Variants in SIRT5 observed in about 807,000 individuals in gnomAD.
SIRT5 encodes sirtuin 5.
A neutral mutation model predicts 40.0 loss-of-function variants in SIRT5; 26 were observed. That is an observed-to-expected ratio of 0.65 (90% CI 0.48 to 0.90). The LOEUF is 0.90. SIRT5 is among the 40% of genes least tolerant of loss of function. The pLI is 0.00. For synonymous variants in SIRT5, 146 were observed against 149.1 expected (o/e 0.98, Z 0.15); for missense variants, 401 against 402.4 (o/e 1.00, Z 0.03).
chr6:13,583,839 G>GGCACCTCT (rs111274992), intron 2 of SIRT5, among the ~76,000 whole-genome samples: 2,861 of 152,206 alleles, frequency 0.019, 102 homozygotes, highest in African/African-American at 0.065. Flanking sequence ...ACTGCTCCAA[G>GGCACCTCT]GCACCTCTGC....
intron 2 of SIRT5, among the ~76,000 whole-genome samples, chr6:13,580,092 G>A (rs1418690678): frequency 6.6e-6 from 1 of 152,198 alleles, no homozygotes; most frequent in South Asian, 2.1e-4. Context: ...GGGCCCATGA[G>A]TCTGTTCACT....
Position 13,595,458 on chromosome 6 carries a change from C to T in SIRT5, c.476-19C>T, listed in dbSNP as rs201858712. The T allele has an allele frequency of 1.9e-6, 3 of 1,591,172 alleles. No homozygotes were observed. Among genetic ancestry groups the T allele is most frequent in the African/African-American group, 2.7e-5 (2 of 74,404 alleles). On this transcript the variant is annotated intron_variant, in intron 5 of 9. Transcript: ENST00000606117. Reference sequence around the variant, plus strand: ...TTGATTATACTAAATTCTGGATTTGCTTCATATGTATTTTTCAGGTAGCTT... The same window carrying T: ...TTGATTATACTAAATTCTGGATTTGTTTCATATGTATTTTTCAGGTAGCTT...
chr6:13,581,446 A>T (rs1048830388), intron 2 of SIRT5, among the ~76,000 whole-genome samples: 1 of 152,162 alleles, frequency 6.6e-6, no homozygotes, highest in Admixed American at 6.5e-5. Context: ...TTCTCATTGC[A>T]TCATATGAGG....
chr6:13,595,588 A>G, intron 6 of SIRT5, 24 bp downstream of exon 6: 1 of 1,534,014 alleles, frequency 6.5e-7, no homozygotes, highest in Non-Finnish European at 9.0e-7. Context: ...ACTACAGAAT[A>G]AGTATAGGTT....
chr6:13,576,240 A>C (rs1024386051), intron 1 of SIRT5, among the ~76,000 whole-genome samples: 2 of 152,228 alleles, frequency 1.3e-5, no homozygotes, highest in African/African-American at 4.8e-5. Context: ...ACTGTTTTCC[A>C]AAATGGCTGT....
intron 4 of SIRT5, among the ~76,000 whole-genome samples, chr6:13,591,114 GTGTA>G (rs1760846393): frequency 6.6e-6 from 1 of 151,508 alleles, no homozygotes; most frequent in Non-Finnish European, 1.5e-5. Context: ...TATGTGTAGT[GTGTA>G]TGTATATTGA....
At chr6:13,611,205 G>GTATATATATATATA (rs1307103122) in intron 9 of SIRT5, among the ~76,000 whole-genome samples, 3 of 107,066 alleles carry the variant, frequency 2.8e-5, no homozygotes, top group South Asian at 2.9e-4. Flanking sequence ...ATGTGTGTGT[G>GTATATATATATATA]TGTATATATA....
At chr6:13,604,788 T>G (rs1202222983) in intron 9 of SIRT5, 1 of 1,139,326 alleles carries the variant, frequency 8.8e-7, no homozygotes, top group Non-Finnish European at 1.1e-6. Context: ...ACCACAGACC[T>G]GTTTCAGCTG....
At chr6:13,595,672 G>T in intron 6 of SIRT5, 108 bp downstream of exon 6, 1 of 913,828 alleles carries the variant, frequency 1.1e-6, no homozygotes, top group South Asian at 1.4e-5. Context: ...ATATTTATGA[G>T]AAATAAGACT....
intron 9 of SIRT5, chr6:13,604,734 C>T: frequency 7.5e-7 from 1 of 1,334,440 alleles, no homozygotes. Flanking sequence ...AGGAGAGATT[C>T]TTGGCATGTA....
intron 4 of SIRT5, 98 bp downstream of exon 4, chr6:13,588,562 T>G: frequency 7.1e-7 from 1 of 1,408,986 alleles, no homozygotes; most frequent in Non-Finnish European, 9.5e-7. Flanking sequence ...CCCAGGGAAA[T>G]GGTTTTTAAG....
rs568883517 is a variant in SIRT5, at chr6:13,607,562, G to A, written c.858-4228G>A. The stretch of plus-strand genomic sequence containing the variant: ...ACCAATGCAAGTGGCGTGAGCAGAT[G>A]TGCAGCTAACACTGTAGTCGTGGTT... On this transcript the variant is annotated intron_variant, in intron 9 of 9. Coordinates refer to ENST00000606117, the MANE Select transcript of SIRT5 (RefSeq NM_012241.5). This position sits in a 1 kb window ranked among gnomAD's most constrained non-coding sequence, Gnocchi z 4.0. Among the ~76,000 whole-genome samples, 1 of 152,336 alleles carries A rather than the reference G, an allele frequency of 6.6e-6. No homozygotes were observed. The highest frequency in any genetic ancestry group is 2.1e-4 in the South Asian group (1 of 4,822).
chr6:13,611,057 C>T (rs529692279), intron 9 of SIRT5, among the ~76,000 whole-genome samples: 1 of 151,578 alleles, frequency 6.6e-6, no homozygotes, highest in South Asian at 2.1e-4. Context: ...TCTAACTACA[C>T]CTCAGAAGCT....
At position 13,588,442 on chromosome 6, in the gene SIRT5, A is replaced by G. The variant is rs199972179; in HGVS notation, c.227A>G (p.Tyr76Cys). Residue 76 changes from tyrosine to cysteine, a missense_variant, in exon 4 of 10, where the codon TAT (tyrosine) becomes TGT (cysteine). Coordinates refer to ENST00000606117, the MANE Select transcript of SIRT5 (RefSeq NM_012241.5). Reference sequence around the variant, plus strand: ...CCGACCTTCAGAGGAGCTGGAGGTTATTGGAGAAAATGGCAAGCCCAGGTT... The same window carrying G: ...CCGACCTTCAGAGGAGCTGGAGGTTGTTGGAGAAAATGGCAAGCCCAGGTT... ...GVPTFRGAGGYWRKWQAQDLA... is the reference protein window; with the variant it reads ...GVPTFRGAGGCWRKWQAQDLA... 10 of 1,614,164 alleles carry G rather than the reference A, an allele frequency of 6.2e-6. No homozygotes were observed. The African/African-American group carries it at 1.3e-4, about 22-fold the overall frequency.
chr6:13,604,482 G>C (rs199651501), intron 9 of SIRT5: 208 of 1,558,042 alleles, frequency 1.3e-4, no homozygotes, highest in Admixed American at 3.6e-4. Flanking sequence ...TCAGTCATTT[G>C]ATCTCCATCT....
Position 13,588,350 on chromosome 6 carries a change from GT to G in SIRT5, c.141del (p.Phe47LeufsTer7). Reference sequence around the variant, plus strand: ...GTTTAGGTATGGCAGATTTTCGAAAGTTTTTTGCAAAAGCAAAGCACATAGT... The same window carrying G: ...GTTTAGGTATGGCAGATTTTCGAAAGTTTTTGCAAAAGCAAAGCACATAGT... ...PSSSMADFRK[F>X]FAKAKHIVII... On this transcript the variant is annotated frameshift_variant, in exon 4 of 10. Transcript: ENST00000606117. LOFTEE classifies it high-confidence loss of function. The G allele has an allele frequency of 6.2e-7, 1 of 1,613,978 alleles. No individual in the cohort carries two copies.
At chr6:13,580,152 C>T (rs533719485) in intron 2 of SIRT5, among the ~76,000 whole-genome samples, 9 of 152,320 alleles carry the variant, frequency 5.9e-5, no homozygotes, top group African/African-American at 2.2e-4. Context: ...TAACTTTAGG[C>T]AGCCAGACAG....
chr6:13,611,700 A>G (rs1354036137), intron 9 of SIRT5, 90 bp from the exon 10 acceptor site: 18 of 941,570 alleles, frequency 1.9e-5, no homozygotes, highest in African/African-American at 6.5e-5. Context: ...TACTTCGGCT[A>G]TTACTTCAGA....
At chr6:13,583,294 T>A (rs1371786761) in intron 2 of SIRT5, among the ~76,000 whole-genome samples, 1 of 145,306 alleles carries the variant, frequency 6.9e-6, no homozygotes, top group African/African-American at 2.5e-5. Flanking sequence ...TTGTTCTTTT[T>A]TTTTTTTTTT....
Sources: gnomAD v4.1 joint callset for allele counts (sites outside exome capture counted in the v4.1 genomes callset) on GRCh38, gnomAD v4.1.1 for gene constraint, Gnocchi (gnomAD v3.1) non-coding constraint, MANE v1.5 for transcripts, NCBI Gene and HGNC (gene_info 2026-07-23, HGNC 2026-07-21) for gene names.